TRMT10A: variants seen among roughly 807,000 people sequenced by gnomAD.
TRMT10A encodes tRNA methyltransferase 10 homolog A.
In TRMT10A, 37 loss-of-function variants were observed where a neutral mutation model predicts 40.4. That is an observed-to-expected ratio of 0.92 (90% CI 0.71 to 1.21). TRMT10A has a LOEUF of 1.21. Ranked by LOEUF, TRMT10A falls within the 50% of genes most tolerant of loss-of-function variation. TRMT10A has a pLI of 0.00. For missense variants in TRMT10A, 388 were observed against 404.3 expected (o/e 0.96, Z 0.35); for synonymous variants, 103 against 134.1 (o/e 0.77, Z 1.60).
chr4:99,562,542 T>C (rs1724469261), intron 1 of TRMT10A, among the ~76,000 whole-genome samples: 1 of 136,830 alleles, frequency 7.3e-6, no homozygotes, highest in Non-Finnish European at 1.5e-5. Context: ...TTTTTTTTTT[T>C]TGAGAGGGAG....
intron 1 of TRMT10A, among the ~76,000 whole-genome samples, chr4:99,560,753 T>C (rs1300404541): frequency 6.6e-6 from 1 of 152,084 alleles, no homozygotes; most frequent in African/African-American, 2.4e-5. Context: ...TTAAATAAAA[T>C]TCAGCTATGC....
intron 2 of TRMT10A, 104 bp from the exon 3 acceptor site, chr4:99,558,315 A>G: frequency 9.5e-7 from 1 of 1,050,374 alleles, no homozygotes. Flanking sequence ...GTTAAATCAT[A>G]TGAAATTGTC....
At position 99,551,926 on chromosome 4, in the gene TRMT10A, A is replaced by AT. The variant is rs202198650; in HGVS notation, c.646-937dup. Reference sequence around the variant, plus strand: ...AAAAAGTTGAAAAAAAAAGAGGAAAATTTTTTTTTTAATTTTAAAAAGTTA... The same window carrying AT: ...AAAAAGTTGAAAAAAAAAGAGGAAAATTTTTTTTTTTAATTTTAAAAAGTTA... On this transcript the variant is annotated intron_variant, in intron 6 of 7. Transcript: ENST00000394876. 4.7e-3 allele frequency among the ~76,000 whole-genome samples: 705 copies of AT among 151,004 alleles called. 5 individuals are homozygous for AT. The highest frequency in any genetic ancestry group is 7.0e-3 in the Non-Finnish European group (476 of 67,590).
intron 6 of TRMT10A, among the ~76,000 whole-genome samples, chr4:99,551,192 T>C (rs1300587068): frequency 1.3e-5 from 2 of 152,166 alleles, no homozygotes; most frequent in Non-Finnish European, 1.5e-5. Flanking sequence ...GTGCAGAGCA[T>C]TTGTTTTAAG....
chr4:99,555,351 AG>A (rs2110188392), intron 5 of TRMT10A, among the ~76,000 whole-genome samples: 1 of 152,286 alleles, frequency 6.6e-6, no homozygotes, highest in South Asian at 2.1e-4. Flanking sequence ...ACTTTGAGAA[AG>A]AAAAAAGGTA....
In TRMT10A at chr4:99,559,199, T is replaced by G. The variant is rs1364132328; in HGVS notation, c.140A>C (p.Lys47Thr). 6.2e-7 allele frequency: 1 copy of G among 1,613,392 alleles called. No individual in the cohort carries two copies. The highest frequency in any genetic ancestry group is 1.7e-5 in the Admixed American group (1 of 59,998). ...TTCCCATTGTTTCTGTTTTATTAGT[T>G]TTTTCATTTGTCGTTTAGATATTGG... ...CEPISKRQMK[K>T]LIKQKQWEEQ... The change falls in exon 2 of 8, where the codon AAA becomes ACA. Residue 47 changes from lysine (K) to threonine (T), a missense_variant. Coordinates refer to ENST00000394876, the MANE Select transcript of TRMT10A (RefSeq NM_001134665.3).
At chr4:99,551,596 A>G (rs1166080463) in intron 6 of TRMT10A, among the ~76,000 whole-genome samples, 1 of 152,172 alleles carries the variant, frequency 6.6e-6, no homozygotes, top group African/African-American at 2.4e-5. Context: ...AACACCTGAT[A>G]ATGATAATAA....
chr4:99,551,903 A>G (rs1723978962), intron 6 of TRMT10A, among the ~76,000 whole-genome samples: 1 of 151,174 alleles, frequency 6.6e-6, no homozygotes, highest in Admixed American at 6.6e-5. Context: ...AAAAGTTTAA[A>G]AAGTTGAAAA....
chr4:99,546,715 T>C lies in TRMT10A; in HGVS notation c.*2373A>G, dbSNP rs1164127089. The C allele has an allele frequency of 6.6e-6, 1 of 152,134 alleles. No homozygotes were observed. The highest frequency in any genetic ancestry group is 1.5e-5 in the Non-Finnish European group (1 of 68,006). 9.4% of individuals were successfully genotyped at this position (152,134 alleles called of 1,614,324 possible). ...CTGTATTTCAGCAGACATATATTTT[T>C]TGATGCATTTATTTAGGTAGTTTAA... On this transcript the variant is annotated 3_prime_UTR_variant, in exon 8 of 8. Transcript: ENST00000394876.
intron 5 of TRMT10A, 152 bp downstream of exon 5, chr4:99,555,994 A>C: frequency 1.6e-6 from 1 of 627,148 alleles, no homozygotes; most frequent in Non-Finnish European, 2.6e-6. Flanking sequence ...CTTCTTCAGC[A>C]TCTCTGATTT....
At chr4:99,563,863 C>T in intron 1 of TRMT10A, 50 bp downstream of exon 1, 1 of 689,892 alleles carries the variant, frequency 1.4e-6, no homozygotes, top group Non-Finnish European at 2.6e-6. Context: ...CCTTTGCGTC[C>T]AGAGAATACC....
At chr4:99,556,342 T>A (rs562717157) in intron 4 of TRMT10A, 122 bp from the exon 5 acceptor site, 1 of 930,508 alleles carries the variant, frequency 1.1e-6, no homozygotes, top group South Asian at 1.7e-5. Flanking sequence ...TTCTCATTCA[T>A]CTAGAAAAAA....
In TRMT10A at chr4:99,559,371, T is replaced by C. The variant is rs112802510; in HGVS notation, c.-23-10A>G. ...TGCCTCTGAAAAACAACTTTTGACATGAATAGATAATTTACAAGCACAAAA... is the reference window on the plus strand; with the variant it reads ...TGCCTCTGAAAAACAACTTTTGACACGAATAGATAATTTACAAGCACAAAA... On this transcript the variant is annotated splice_polypyrimidine_tract_variant and intron_variant, in intron 1 of 7. Transcript: ENST00000394876. 4.5e-6 allele frequency: 7 copies of C among 1,553,164 alleles called. No individual in the cohort carries two copies. Among genetic ancestry groups the C allele is most frequent in the Non-Finnish European group, 6.1e-6 (7 of 1,142,990 alleles).
rs1004561118 is a variant in TRMT10A at position 99,553,721 on chromosome 4, T to G, written c.645+64A>C. 4.2e-5 allele frequency: 63 copies of G among 1,485,196 alleles called. No individual in the cohort carries two copies. The African/African-American group carries it at 7.7e-4, about 18-fold the overall frequency. 92.0% of individuals were successfully genotyped at this position (1,485,196 alleles called of 1,614,324 possible). On this transcript the variant is annotated intron_variant, in intron 6 of 7. Transcript: ENST00000394876. The stretch of plus-strand genomic sequence containing the variant: ...GCTATCATTAGTATTATTGTTACTT[T>G]CAGGAAATGGTGATATATCAATTTT...
rs1723862317 is a variant in TRMT10A, at chr4:99,549,192, A to AATCACTGTC, written c.907_915dup (p.Asp303_Asp305dup). The AATCACTGTC allele has an allele frequency of 6.2e-7, 1 of 1,614,122 alleles. No homozygotes were observed. ...TTTCTGCTATATTCCTCCTCACTGG[A>AATCACTGTC]ATCACTGTCCGATCCACCTTCCTCC... On this transcript the variant is annotated inframe_insertion, in exon 8 of 8. Transcript: ENST00000394876.
intron 6 of TRMT10A, 39 bp from the exon 7 acceptor site, chr4:99,551,029 ATTAT>A (rs1723944100): frequency 7.1e-7 from 1 of 1,410,738 alleles, no homozygotes; most frequent in South Asian, 1.3e-5. Context: ...AGAACATTAA[ATTAT>A]TTAAAGTTTC....
chr4:99,564,004 T>C lies in TRMT10A; in HGVS notation c.-115A>G. ...GGCTCACGCTTCCTTCCACAGAAAC[T>C]TCAATTCCCAGAGGCAGGGGCGGTA... is the stretch of plus-strand genomic sequence containing the variant. On this transcript the variant is annotated 5_prime_UTR_variant, in exon 1 of 8. Coordinates refer to ENST00000394876, the MANE Select transcript of TRMT10A (RefSeq NM_001134665.3). 6.8e-7 allele frequency: 1 copy of C among 1,472,972 alleles called. No individual in the cohort carries two copies. The highest frequency in any genetic ancestry group is 2.5e-5 in the East Asian group (1 of 40,560). 91.2% of individuals were successfully genotyped at this position (1,472,972 alleles called of 1,614,324 possible). A position where few individuals can be genotyped will look rare whatever the true frequency, so the allele number is the denominator to read the frequency against.
At position 99,551,045 on chromosome 4, in the gene TRMT10A, G is replaced by C. The variant is rs1195423229; in HGVS notation, c.646-55C>G. On this transcript the variant is annotated intron_variant, in intron 6 of 7. Coordinates refer to ENST00000394876, the MANE Select transcript of TRMT10A (RefSeq NM_001134665.3). ...GAACATTAAATTATTTAAAGTTTCT[G>C]TAATAGTATAAATAATTTTTAGATA... 2.4e-6 allele frequency: 3 copies of C among 1,233,220 alleles called. No homozygotes were observed. In the East Asian group the frequency reaches 7.8e-5, roughly 32 times the overall value. 76.4% of individuals were successfully genotyped at this position (1,233,220 alleles called of 1,614,324 possible). A position where few individuals can be genotyped will look rare whatever the true frequency, so the allele number is the denominator to read the frequency against.
Position 99,558,065 on chromosome 4 carries a change from T to G in TRMT10A, c.332A>C (p.His111Pro), listed in dbSNP as rs201275067. Reference sequence around the variant, plus strand: ...TCATGATACCTTTAATACCATCAAGTGATCAAAACTACAGTCAATAATAAG... The same window carrying G: ...TCATGATACCTTTAATACCATCAAGGGATCAAAACTACAGTCAATAATAAG... ...LRLIIDCSFD[H>P]LMVLKDIKKL... The change falls in exon 3 of 8, where the codon CAC (histidine) becomes CCC (proline). Residue 111 changes from histidine (H) to proline (P), a missense_variant. Physicochemically the swap from His to Pro is moderately conservative, Grantham distance 77. Transcript: ENST00000394876. 2 of 1,593,148 alleles carry G rather than the reference T, an allele frequency of 1.3e-6. No individual in the cohort carries two copies. Among genetic ancestry groups the G allele is most frequent in the Non-Finnish European group, 1.7e-6 (2 of 1,173,878 alleles).
Sources: gnomAD v4.1 joint callset for allele counts (sites outside exome capture counted in the v4.1 genomes callset) on GRCh38, gnomAD v4.1.1 for gene constraint, MANE v1.5 for transcripts, NCBI Gene and HGNC (gene_info 2026-07-23, HGNC 2026-07-21) for gene names.